Variants in ZNF804B observed in about 807,000 individuals in gnomAD.
ZNF804B encodes zinc finger 804B.
ZNF804B carries 80 observed loss-of-function variants against 101.4 expected under a neutral mutation model. The observed-to-expected ratio is 0.79, with a 90% confidence interval of 0.66 to 0.95. The LOEUF (loss-of-function observed/expected upper bound fraction) is 0.95, where lower values mean the gene tolerates loss of function less well. ZNF804B is among the 40% of genes least tolerant of loss of function. The probability of loss-of-function intolerance (pLI) is 0.00; values close to 1 mark genes in which losing one functional copy is unlikely to be tolerated. For missense variants in ZNF804B, 1,673 were observed against 1,561.9 expected, an observed-to-expected ratio of 1.07 and a Z score of -1.20; for synonymous variants, 622 against 558.8, an observed-to-expected ratio of 1.11 and a Z score of -1.59.
At chr7:89,245,737 G>T (rs1048056598) in intron 2 of ZNF804B, among the ~76,000 whole-genome samples, 3 of 152,096 alleles carry the variant, frequency 2.0e-5, no homozygotes, top group Admixed American at 1.3e-4. Flanking sequence ...AAGACAATGG[G>T]AATCCACCAG....
chr7:89,074,867 G>A (rs1040237047), intron 1 of ZNF804B, among the ~76,000 whole-genome samples: 21 of 152,198 alleles, frequency 1.4e-4, no homozygotes, highest in Admixed American at 3.9e-4. Context: ...GGCTGAGGTG[G>A]TCTCAGATGG....
At chr7:88,972,747 C>G (rs1367054560) in intron 1 of ZNF804B, among the ~76,000 whole-genome samples, 1 of 143,466 alleles carries the variant, frequency 7.0e-6, no homozygotes, top group Admixed American at 7.0e-5. Context: ...CTGAGTCTGA[C>G]AAAAAAAAAA....
At chr7:89,053,035 C>T (rs913227326) in intron 1 of ZNF804B, among the ~76,000 whole-genome samples, 5 of 152,122 alleles carry the variant, frequency 3.3e-5, no homozygotes, top group Admixed American at 6.6e-5. Context: ...CCAAAAGAAT[C>T]GCCAACTTCT....
chr7:89,240,506 A>G (rs979616872), intron 2 of ZNF804B, among the ~76,000 whole-genome samples: 3 of 151,996 alleles, frequency 2.0e-5, no homozygotes, highest in African/African-American at 7.2e-5. Context: ...ATAGTTGTCA[A>G]TGTATCTCAC....
intron 2 of ZNF804B, among the ~76,000 whole-genome samples, chr7:89,231,456 T>A (rs1789189567): frequency 6.6e-6 from 1 of 152,086 alleles, no homozygotes; most frequent in Non-Finnish European, 1.5e-5. Context: ...TTGATATAAC[T>A]TTTGGATTCT....
At chr7:89,044,281 G>A (rs1789067535) in intron 1 of ZNF804B, among the ~76,000 whole-genome samples, 1 of 152,146 alleles carries the variant, frequency 6.6e-6, no homozygotes, top group Non-Finnish European at 1.5e-5. Flanking sequence ...ATGATTGTAA[G>A]TTTCCTGAGG....
chr7:89,078,948 G>A (rs987270241), intron 1 of ZNF804B, among the ~76,000 whole-genome samples: 3 of 152,018 alleles, frequency 2.0e-5, no homozygotes, highest in Non-Finnish European at 4.4e-5. Context: ...TGTTTATTAC[G>A]GAAATTCTGA....
intron 2 of ZNF804B, among the ~76,000 whole-genome samples, chr7:89,278,869 A>T (rs940602509): frequency 2.4e-4 from 37 of 151,916 alleles, no homozygotes; most frequent in African/African-American, 7.0e-4. Context: ...TTAAAGTAGT[A>T]TTTTCCAATT....
At chr7:89,301,323 C>CTTT (rs879670671) in intron 2 of ZNF804B, among the ~76,000 whole-genome samples, 5,956 of 151,648 alleles carry the variant, frequency 0.039, 194 homozygotes, top group African/African-American at 0.08. Context: ...AAGTGGCCTG[C>CTTT]AGTCGTTGAT....
chr7:88,795,051 CAA>C (rs35996371), intron 1 of ZNF804B: 277,161 of 738,676 alleles, frequency 0.38, 58,008 homozygotes, highest in East Asian at 0.79. Flanking sequence ...TTTCTTCTGA[CAA>C]AAAAAAAAAG....
intron 2 of ZNF804B, among the ~76,000 whole-genome samples, chr7:89,301,797 C>A (rs1483199912): frequency 6.6e-6 from 1 of 151,848 alleles, no homozygotes; most frequent in Admixed American, 6.6e-5. Flanking sequence ...CCAGCAAGTT[C>A]TTAGCCTAAG....
intron 2 of ZNF804B, among the ~76,000 whole-genome samples, chr7:89,286,279 CAAAAG>C (rs1212113930): frequency 1.3e-5 from 2 of 151,320 alleles, no homozygotes; most frequent in African/African-American, 4.9e-5. Flanking sequence ...AATTCTGTCT[CAAAAG>C]AAAAGAAGAA....
In ZNF804B at chr7:89,218,155, G is replaced by A. The variant is rs1176316789; in HGVS notation, c.109G>A (p.Asp37Asn). The A allele has an allele frequency of 1.9e-6, 3 of 1,609,560 alleles. No homozygotes were observed. The highest frequency in any genetic ancestry group is 2.2e-5 in the East Asian group (1 of 44,806). Residue 37 changes from aspartate to asparagine, a missense_variant and splice_region_variant, in exon 2 of 4, where the codon GAT (aspartate) becomes AAT (asparagine). Transcript: ENST00000333190. The part of the protein sequence containing the change: ...PLCKNGSPSP[D>N]FAEKKSTAKA... ...AACATTTATGTATTTTTTCTTAAAG[G>A]ATTTTGCAGAAAAGAAGTCCACAGC...
Position 89,337,661 on chromosome 7 carries a change from T to G in ZNF804B, c.*629T>G, listed in dbSNP as rs894963856. Among the ~76,000 whole-genome samples, 1 of 152,122 alleles carries G rather than the reference T, an allele frequency of 6.6e-6. No homozygotes were observed. Among genetic ancestry groups the G allele is most frequent in the Non-Finnish European group, 1.5e-5 (1 of 67,978 alleles). On this transcript the variant is annotated 3_prime_UTR_variant, in exon 4 of 4. Transcript: ENST00000333190. The stretch of plus-strand genomic sequence containing the variant: ...TCTGTGAAAAATAAATTATCTTCAT[T>G]TCACACAAATCTATGTCAAGATAAT...
intron 1 of ZNF804B, among the ~76,000 whole-genome samples, chr7:88,981,864 A>G (rs558342311): frequency 2.0e-4 from 31 of 152,120 alleles, no homozygotes; most frequent in Non-Finnish European, 3.7e-4. Context: ...CTGGGGGATC[A>G]GGGAGTGGTG....
rs13307253 is a variant in ZNF804B at position 89,220,076 on chromosome 7, T to C, written c.249+1781T>C. On this transcript the variant is annotated intron_variant, in intron 2 of 3. Transcript: ENST00000333190. ...ATACATATATACGCACATATATGTG[T>C]ATATACATATATATACGCACATATA... Among the ~76,000 whole-genome samples, 16 of 96,542 alleles carry C rather than the reference T, an allele frequency of 1.7e-4. 4 individuals are homozygous for C. The highest frequency in any genetic ancestry group is 5.9e-4 in the Admixed American group (6 of 10,180). 63.3% of individuals were successfully genotyped at this position (96,542 alleles called of 152,430 possible).
intron 2 of ZNF804B, among the ~76,000 whole-genome samples, chr7:89,236,561 G>A (rs1789284491): frequency 6.6e-6 from 1 of 152,010 alleles, no homozygotes; most frequent in Non-Finnish European, 1.5e-5. Flanking sequence ...CATTCACCTG[G>A]TCATTTAGTG....
intron 2 of ZNF804B, among the ~76,000 whole-genome samples, chr7:89,270,747 A>G (rs1789879923): frequency 6.6e-6 from 1 of 152,136 alleles, no homozygotes; most frequent in African/African-American, 2.4e-5. Flanking sequence ...TTCGTTGAGC[A>G]ATGGTTTGTA....
rs1788703017 is a variant in ZNF804B at position 89,023,607 on chromosome 7, G to A, written c.109-194548G>A. ...TTTTTCACTGGGTATGTAGACTTGCGAAAGTCTTAAAAGTCTCTCCATATC... is the reference window on the plus strand; with the variant it reads ...TTTTTCACTGGGTATGTAGACTTGCAAAAGTCTTAAAAGTCTCTCCATATC... On this transcript the variant is annotated intron_variant, in intron 1 of 3. Transcript: ENST00000333190. Among the ~76,000 whole-genome samples, 3 of 151,952 alleles carry A rather than the reference G, an allele frequency of 2.0e-5. No homozygotes were observed. The South Asian group carries it at 6.2e-4, about 31-fold the overall frequency.
Sources: gnomAD v4.1 joint callset for allele counts (sites outside exome capture counted in the v4.1 genomes callset) on GRCh38, gnomAD v4.1.1 for gene constraint, MANE v1.5 for transcripts, NCBI Gene and HGNC (gene_info 2026-07-23, HGNC 2026-07-21) for gene names.